Variants in CNOT6L observed in about 807,000 individuals in gnomAD.
The protein encoded by CNOT6L is CCR4-NOT transcription complex subunit 6 like.
Under a neutral mutation model 64.0 loss-of-function variants are expected in CNOT6L, and 7 were observed. The observed-to-expected ratio is 0.11, with a 90% CI of 0.06 to 0.21. CNOT6L has a LOEUF of 0.21. Ranked by LOEUF, CNOT6L falls within the 10% of genes least tolerant of loss-of-function variation. The probability of loss-of-function intolerance (pLI) is 1.00; values close to 1 mark genes in which losing one functional copy is unlikely to be tolerated. For synonymous variants in CNOT6L, 193 were observed against 243.4 expected (o/e 0.79, Z 1.93); for missense variants, 245 against 669.0 (o/e 0.37, Z 6.99).
At chr4:77,768,474 AATATATAT>A (rs1193284066) in intron 4 of CNOT6L, among the ~76,000 whole-genome samples, 16 of 13,116 alleles carry the variant, frequency 1.2e-3, no homozygotes, top group Middle Eastern at 0.062. Flanking sequence ...AAAATAAATA[AATATATAT>A]ATATATATAT....
chr4:77,796,174 G>A (rs952842991), intron 1 of CNOT6L, among the ~76,000 whole-genome samples: 2 of 151,614 alleles, frequency 1.3e-5, no homozygotes, highest in African/African-American at 4.9e-5. Context: ...TTTTTTTATA[G>A]AAATTAACAT....
At chr4:77,798,726 T>C (rs928779510) in intron 1 of CNOT6L, among the ~76,000 whole-genome samples, 31 of 151,830 alleles carry the variant, frequency 2.0e-4, no homozygotes, top group African/African-American at 7.5e-4. Flanking sequence ...GGCTCACACG[T>C]ATAATTGCAA....
intron 7 of CNOT6L, 123 bp downstream of exon 7, chr4:77,744,592 AGAG>A: frequency 2.6e-6 from 2 of 762,070 alleles, no homozygotes; most frequent in South Asian, 2.8e-5. Context: ...ATTATTTTTA[AGAG>A]GAGAGAAAAC....
chr4:77,766,262 G>T (rs1726808517), intron 4 of CNOT6L, among the ~76,000 whole-genome samples: 1 of 151,920 alleles, frequency 6.6e-6, no homozygotes, highest in Non-Finnish European at 1.5e-5. Context: ...CTTTTGATGA[G>T]AAAAATAATA....
At chr4:77,820,096 C>G (rs910940481), upstream of CNOT6L, among the ~76,000 whole-genome samples, 7 of 152,096 alleles carry the variant, frequency 4.6e-5, no homozygotes, top group Non-Finnish European at 1.0e-4. Flanking sequence ...CTGCTGGGGC[C>G]GAGGTTGAAC....
chr4:77,758,399 G>C (rs773752548), intron 4 of CNOT6L, among the ~76,000 whole-genome samples: 17 of 152,140 alleles, frequency 1.1e-4, no homozygotes, highest in Non-Finnish European at 2.4e-4. Context: ...GCGTCACTGA[G>C]AGTCACAAAG....
intron 1 of CNOT6L, among the ~76,000 whole-genome samples, chr4:77,785,573 A>G (rs953031998): frequency 2.6e-5 from 4 of 152,200 alleles, no homozygotes; most frequent in African/African-American, 9.6e-5. Context: ...ATAATAAAGC[A>G]ATCTTATTTT....
chr4:77,766,598 C>G (rs1330608254), intron 4 of CNOT6L, among the ~76,000 whole-genome samples: 1 of 151,360 alleles, frequency 6.6e-6, no homozygotes, highest in Non-Finnish European at 1.5e-5. Flanking sequence ...ATGTAAAACT[C>G]CAAAAAATTT....
At chr4:77,751,583 C>A (rs1724871246) in intron 5 of CNOT6L, among the ~76,000 whole-genome samples, 2 of 152,110 alleles carry the variant, frequency 1.3e-5, no homozygotes. Flanking sequence ...CCAAAGAAAT[C>A]CATGCTAAGA....
chr4:77,769,117 CAACATGGCTGAATCATAAA>C (rs1405430818), intron 4 of CNOT6L, among the ~76,000 whole-genome samples: 2 of 152,094 alleles, frequency 1.3e-5, no homozygotes, highest in East Asian at 3.9e-4. Context: ...ATGTATGCAT[CAACATGGCTGAATCATAAA>C]AACATAAGGC....
At chr4:77,768,918 C>T (rs903523279) in intron 4 of CNOT6L, among the ~76,000 whole-genome samples, 1 of 152,052 alleles carries the variant, frequency 6.6e-6, no homozygotes, top group Non-Finnish European at 1.5e-5. Context: ...ATGTACAGAC[C>T]TCTACATCCC....
intron 1 of CNOT6L, among the ~76,000 whole-genome samples, chr4:77,790,815 ATTTTT>A (rs35909833): frequency 7.8e-6 from 1 of 128,700 alleles, no homozygotes. Flanking sequence ...CGCCTGGCTG[ATTTTT>A]TTTTTTTTTT....
chr4:77,755,223 G>GTTTTTTTT (rs869054667), intron 5 of CNOT6L, among the ~76,000 whole-genome samples: 2 of 70,434 alleles, frequency 2.8e-5, no homozygotes, highest in Non-Finnish European at 4.8e-5. Context: ...AGAGACAAGA[G>GTTTTTTTT]TTTTTTTTTT....
Position 77,785,303 on chromosome 4 carries a change from C to A in CNOT6L, c.6-8911G>T, listed in dbSNP as rs754802291. ...AAGGACCATGAGCTTAAATATAAAA[C>A]CAATAACTATAAAACATCAGAAGAA... On this transcript the variant is annotated intron_variant, in intron 1 of 11. Coordinates refer to ENST00000504123, the MANE Select transcript of CNOT6L (RefSeq NM_144571.3). 8.9e-4 allele frequency among the ~76,000 whole-genome samples: 135 copies of A among 152,212 alleles called. 1 individual carries two copies. Among genetic ancestry groups the A allele is most frequent in the Non-Finnish European group, 1.6e-3 (111 of 67,998 alleles).
intron 8 of CNOT6L, 200 bp from the exon 9 acceptor site, chr4:77,731,738 T>C: frequency 6.5e-6 from 3 of 460,614 alleles, no homozygotes; most frequent in South Asian, 4.3e-5. Flanking sequence ...AAAGACAGCA[T>C]ATATATCCCT....
At chr4:77,760,860 CTTTTTTTTTTTTT>C (rs754195745) in intron 4 of CNOT6L, among the ~76,000 whole-genome samples, 745 of 29,978 alleles carry the variant, frequency 0.025, 23 homozygotes, top group African/African-American at 0.096. Flanking sequence ...CCATGCCTGG[CTTTTTTTTTTTTT>C]TTTTTTTTTT....
intron 1 of CNOT6L, among the ~76,000 whole-genome samples, chr4:77,816,565 C>G (rs898768798): frequency 6.6e-6 from 1 of 152,132 alleles, no homozygotes; most frequent in Non-Finnish European, 1.5e-5. Context: ...GAGCTTCCCC[C>G]TCCCCATCCT....
At chr4:77,798,539 T>C (rs1196395024) in intron 1 of CNOT6L, among the ~76,000 whole-genome samples, 2 of 152,004 alleles carry the variant, frequency 1.3e-5, no homozygotes, top group East Asian at 1.9e-4. Context: ...GAAGTGAAAA[T>C]TAAACCACAA....
At chr4:77,720,925 T>C (rs1721208154) in intron 11 of CNOT6L, among the ~76,000 whole-genome samples, 2 of 152,216 alleles carry the variant, frequency 1.3e-5, no homozygotes, top group Admixed American at 1.3e-4. Flanking sequence ...TCTTTAGAAT[T>C]GGCCTGCTTG....
Sources: allele counts gnomAD v4.1 joint callset (sites outside exome capture counted in the v4.1 genomes callset), GRCh38; gene constraint gnomAD v4.1.1; transcripts MANE v1.5; gene names NCBI Gene and HGNC (gene_info 2026-07-23, HGNC 2026-07-21).